CCDC102B: variants seen among roughly 807,000 people sequenced by gnomAD.
CCDC102B encodes coiled-coil domain-containing protein 102B.
CCDC102B carries 75 observed loss-of-function variants against 57.4 expected under a neutral mutation model. The observed-to-expected ratio is 1.31, with a 90% CI of 1.08 to 1.58. CCDC102B has a LOEUF of 1.58. CCDC102B is among the 40% of genes most tolerant of loss of function. The pLI is 0.00. For missense variants in CCDC102B, 636 were observed against 582.6 expected (o/e 1.09, Z -0.94); for synonymous variants, 206 against 201.9 (o/e 1.02, Z -0.17).
At chr18:68,946,867 G>A (rs1052267913) in intron 6 of CCDC102B, among the ~76,000 whole-genome samples, 1 of 151,962 alleles carries the variant, frequency 6.6e-6, no homozygotes, top group South Asian at 2.1e-4. Context: ...ATTATTCTGT[G>A]AGGGGAATAA....
At chr18:68,842,023 G>A (rs2037657552) in intron 3 of CCDC102B, among the ~76,000 whole-genome samples, 1 of 152,148 alleles carries the variant, frequency 6.6e-6, no homozygotes, top group Non-Finnish European at 1.5e-5. Context: ...ACAGGCGTGA[G>A]CCACTGCGCC....
intron 7 of CCDC102B, among the ~76,000 whole-genome samples, chr18:69,048,672 G>A (rs534697047): frequency 1.4e-4 from 21 of 152,134 alleles, no homozygotes; most frequent in African/African-American, 2.6e-4. Context: ...AATATTTGAT[G>A]AGAAGAGTTT....
intron 2 of CCDC102B, among the ~76,000 whole-genome samples, chr18:68,790,535 G>A (rs112392075): frequency 0.063 from 9,645 of 152,136 alleles, 473 homozygotes; most frequent in African/African-American, 0.13. Flanking sequence ...CTCGTGGTGC[G>A]CCGTTTTTCA....
At chr18:68,726,525 C>T (rs1048980311) in intron 2 of CCDC102B, among the ~76,000 whole-genome samples, 8 of 152,170 alleles carry the variant, frequency 5.3e-5, no homozygotes, top group African/African-American at 1.9e-4. Context: ...TCAGAAGTCC[C>T]TGATATAATC....
chr18:69,012,310 A>C (rs1436869177), intron 7 of CCDC102B, among the ~76,000 whole-genome samples: 1 of 152,026 alleles, frequency 6.6e-6, no homozygotes, highest in Non-Finnish European at 1.5e-5. Flanking sequence ...ATAAATCTTT[A>C]TTTTTGTCAA....
intron 6 of CCDC102B, among the ~76,000 whole-genome samples, chr18:68,977,425 G>A (rs568501748): frequency 6.6e-6 from 1 of 151,656 alleles, no homozygotes; most frequent in African/African-American, 2.4e-5. Context: ...AGTCCCCCAT[G>A]CCCTGACAGG....
At chr18:68,744,821 G>C (rs2033549317) in intron 2 of CCDC102B, among the ~76,000 whole-genome samples, 2 of 152,156 alleles carry the variant, frequency 1.3e-5, no homozygotes. Context: ...ACATCACTAT[G>C]TTTTCAATAC....
intron 2 of CCDC102B, among the ~76,000 whole-genome samples, chr18:68,776,922 T>C (rs1326654732): frequency 6.6e-6 from 1 of 152,196 alleles, no homozygotes; most frequent in Non-Finnish European, 1.5e-5. Context: ...ACCATTTTTT[T>C]CCCGCATTTC....
At chr18:68,997,388 T>C (rs1380570511) in intron 6 of CCDC102B, among the ~76,000 whole-genome samples, 1 of 152,186 alleles carries the variant, frequency 6.6e-6, no homozygotes, top group Non-Finnish European at 1.5e-5. Flanking sequence ...TGAGTCTACA[T>C]AGGTAAAGTG....
chr18:68,937,016 A>C (rs1242892232), intron 6 of CCDC102B, among the ~76,000 whole-genome samples: 1 of 151,990 alleles, frequency 6.6e-6, no homozygotes, highest in African/African-American at 2.4e-5. Flanking sequence ...CAAGCCTCTG[A>C]TCACAACATT....
At chr18:68,860,479 A>C (rs75369519) in intron 4 of CCDC102B, among the ~76,000 whole-genome samples, 11,892 of 77,946 alleles carry the variant, frequency 0.15, 1,850 homozygotes, top group East Asian at 0.47. Context: ...CAAAAACAAA[A>C]AAAAAAAAAG....
At chr18:68,721,586 C>G (rs2032334165) in intron 2 of CCDC102B, 1 of 151,970 alleles carries the variant, frequency 6.6e-6, no homozygotes, top group Non-Finnish European at 1.5e-5. Context: ...ATGACTTAAG[C>G]ATTATTTAGA....
chr18:68,847,923 A>T (rs11662055), intron 4 of CCDC102B, among the ~76,000 whole-genome samples: 94,151 of 151,436 alleles, frequency 0.62, 31,078 homozygotes, highest in Non-Finnish European at 0.72. Flanking sequence ...GAAATTTTTT[A>T]AAAATATGTC....
intron 3 of CCDC102B, among the ~76,000 whole-genome samples, chr18:68,839,384 G>C (rs2037523855): frequency 6.6e-6 from 1 of 152,126 alleles, no homozygotes; most frequent in Admixed American, 6.5e-5. Context: ...TTGCTTAATT[G>C]GCCTGGATAT....
chr18:68,955,443 C>T (rs186793919), intron 6 of CCDC102B, among the ~76,000 whole-genome samples: 1 of 152,094 alleles, frequency 6.6e-6, no homozygotes, highest in Non-Finnish European at 1.5e-5. Context: ...CATTAAGTAC[C>T]TTGCACCAAC....
At chr18:68,836,404 T>C (rs912806975) in intron 1 of CCDC102B, among the ~76,000 whole-genome samples, 10 of 151,584 alleles carry the variant, frequency 6.6e-5, no homozygotes, top group African/African-American at 2.2e-4. Context: ...CTGAGGCGGG[T>C]GGATCACGAG....
intron 5 of CCDC102B, 80 bp downstream of exon 5, chr18:68,874,865 T>A: frequency 2.3e-6 from 2 of 887,782 alleles, no homozygotes; most frequent in Non-Finnish European, 3.6e-6. Flanking sequence ...TTAAGTAGGG[T>A]AACGGTCGTG....
At chr18:68,719,884 A>C (rs1181815749) in intron 2 of CCDC102B, among the ~76,000 whole-genome samples, 2 of 152,206 alleles carry the variant, frequency 1.3e-5, no homozygotes, top group Non-Finnish European at 2.9e-5. Flanking sequence ...GAAAACAAAC[A>C]GGCCCATTTC....
At chr18:68,736,422 G>T (rs1471553210) in intron 2 of CCDC102B, among the ~76,000 whole-genome samples, 2 of 152,180 alleles carry the variant, frequency 1.3e-5, no homozygotes, top group African/African-American at 4.8e-5. Context: ...TAACGTAAGA[G>T]CTTTATTATT....
Sources: gnomAD v4.1 joint callset for allele counts (sites outside exome capture counted in the v4.1 genomes callset) on GRCh38, gnomAD v4.1.1 for gene constraint, MANE v1.5 for transcripts, NCBI Gene and HGNC (gene_info 2026-07-23, HGNC 2026-07-21) for gene names.